DIP2C: variants seen among roughly 807,000 people sequenced by gnomAD.
DIP2C encodes the protein disco-interacting protein 2 homolog C.
Under a neutral mutation model 192.4 loss-of-function variants are expected in DIP2C, and 33 were observed. That is an observed-to-expected ratio of 0.17 (90% CI 0.13 to 0.23). DIP2C has a LOEUF of 0.23. DIP2C is among the 10% of genes least tolerant of loss of function. DIP2C has a pLI of 1.00. For synonymous variants in DIP2C, 979 were observed against 864.1 expected (o/e 1.13, Z -2.33); for missense variants, 1,537 against 2,110.1 (o/e 0.73, Z 5.32).
In DIP2C at chr10:277,580, A is replaced by G. The variant is rs745973602; in HGVS notation, c.4419-3T>C. 19 of 1,612,680 alleles carry G rather than the reference A, an allele frequency of 1.2e-5. No individual in the cohort carries two copies. The highest frequency in any genetic ancestry group is 1.4e-5 in the Non-Finnish European group (17 of 1,179,280). On this transcript the variant is annotated splice_polypyrimidine_tract_variant and splice_region_variant and intron_variant, in intron 36 of 36. Coordinates refer to ENST00000280886, the MANE Select transcript of DIP2C (RefSeq NM_014974.3). The stretch of plus-strand genomic sequence containing the variant: ...AATTTGTCCAGGTAAACACAGCACT[A>G]AAAGACAGAAAAGAAAGCCATCATT...
intron 32 of DIP2C, among the ~76,000 whole-genome samples, chr10:295,129 C>T (rs3125032): frequency 0.99 from 150,407 of 152,184 alleles, 74,350 homozygotes; most frequent in Middle Eastern, 1. Context: ...GAAAGCAAGT[C>T]TATTAGGAAA....
intron 31 of DIP2C, among the ~76,000 whole-genome samples, chr10:317,856 C>T (rs1039494302): frequency 6.6e-6 from 1 of 152,210 alleles, no homozygotes; most frequent in African/African-American, 2.4e-5. Context: ...TGGTAGAATT[C>T]GAATGTTCCT....
intron 29 of DIP2C, among the ~76,000 whole-genome samples, chr10:335,083 T>C (rs1957697000): frequency 6.6e-6 from 1 of 152,220 alleles, no homozygotes; most frequent in Non-Finnish European, 1.5e-5. Flanking sequence ...ACAGGCTATC[T>C]GACACAATTT....
At chr10:446,428 T>A (rs1190558328) in intron 3 of DIP2C, among the ~76,000 whole-genome samples, 2 of 151,936 alleles carry the variant, frequency 1.3e-5, no homozygotes, top group African/African-American at 4.9e-5. Flanking sequence ...TGTATACATC[T>A]GTTGTGAAGA....
At chr10:531,958 AG>A (rs1431856267) in intron 1 of DIP2C, among the ~76,000 whole-genome samples, 2 of 152,244 alleles carry the variant, frequency 1.3e-5, no homozygotes, top group African/African-American at 4.8e-5. Flanking sequence ...TTTGTTTTAT[AG>A]ATAAACAGAG....
chr10:522,932 G>C (rs1433294713), intron 1 of DIP2C, among the ~76,000 whole-genome samples: 1 of 150,956 alleles, frequency 6.6e-6, no homozygotes, highest in Non-Finnish European at 1.5e-5. Flanking sequence ...CCTGGAGTGA[G>C]GGAACTGTGT....
At chr10:535,601 A>T (rs549401639) in intron 1 of DIP2C, among the ~76,000 whole-genome samples, 1 of 152,262 alleles carries the variant, frequency 6.6e-6, no homozygotes, top group African/African-American at 2.4e-5. Context: ...CACGAGATTC[A>T]GTGTGATCCC....
intron 1 of DIP2C, among the ~76,000 whole-genome samples, chr10:528,123 C>T (rs1847162301): frequency 6.6e-6 from 1 of 152,172 alleles, no homozygotes; most frequent in Admixed American, 6.5e-5. Context: ...GGAACATCCC[C>T]CCTGAAGGGT....
chr10:615,627 CCGCCCCACACACACACACA>C (rs1410817137), intron 1 of DIP2C, among the ~76,000 whole-genome samples: 2 of 151,646 alleles, frequency 1.3e-5, no homozygotes, highest in Non-Finnish European at 2.9e-5. Flanking sequence ...ACACACACAC[CCGCCCCACACACACACACA>C]GGGTTTGCTT....
intron 1 of DIP2C, among the ~76,000 whole-genome samples, chr10:523,082 T>C (rs111440637): frequency 2.6e-5 from 4 of 151,580 alleles, no homozygotes; most frequent in Admixed American, 2.6e-4. Flanking sequence ...CATTTCCACC[T>C]GATGCAAAGG....
At chr10:397,888 A>C (rs1362984179) in intron 10 of DIP2C, among the ~76,000 whole-genome samples, 2 of 152,194 alleles carry the variant, frequency 1.3e-5, no homozygotes, top group Non-Finnish European at 2.9e-5. Flanking sequence ...CCATGATGGG[A>C]AGGAGGGGTC....
At chr10:424,364 T>G (rs1461934354) in intron 4 of DIP2C, among the ~76,000 whole-genome samples, 8 of 50,842 alleles carry the variant, frequency 1.6e-4, no homozygotes, top group African/African-American at 5.8e-4. Flanking sequence ...GGTTTTTTTT[T>G]TTTTTTTTTT....
chr10:494,826 T>C (rs1215747957), intron 1 of DIP2C, among the ~76,000 whole-genome samples: 1 of 152,210 alleles, frequency 6.6e-6, no homozygotes, highest in Non-Finnish European at 1.5e-5. Flanking sequence ...GAAAATAGCA[T>C]GGAGCATCTT....
intron 10 of DIP2C, among the ~76,000 whole-genome samples, chr10:393,778 C>CAAA (rs34390976): frequency 0.015 from 980 of 66,560 alleles, 43 homozygotes; most frequent in African/African-American, 0.053. Context: ...GACTCCGTCT[C>CAAA]AAAAAAAAAA....
intron 23 of DIP2C, among the ~76,000 whole-genome samples, chr10:356,946 C>A (rs141563782): frequency 3.9e-5 from 6 of 152,250 alleles, no homozygotes; most frequent in Non-Finnish European, 8.8e-5. Context: ...TTTTAAAAAG[C>A]GGGATCTAAT....
At chr10:362,763 A>G in intron 21 of DIP2C, 72 bp from the exon 22 acceptor site, 2 of 1,474,694 alleles carry the variant, frequency 1.4e-6, no homozygotes, top group East Asian at 4.6e-5. Context: ...ATTATGCAAA[A>G]TATGATCCAC....
At chr10:295,356 T>C (rs7475652) in intron 32 of DIP2C, among the ~76,000 whole-genome samples, 49,815 of 151,252 alleles carry the variant, frequency 0.33, 10,399 homozygotes, top group Non-Finnish European at 0.47. Flanking sequence ...GGTCAGGAGA[T>C]TGACACCATC....
intron 1 of DIP2C, among the ~76,000 whole-genome samples, chr10:617,655 A>ACCCCCCCCCCC (rs3049602): frequency 2.1e-4 from 28 of 132,324 alleles, no homozygotes; most frequent in African/African-American, 5.0e-4. Context: ...TGTGGATACC[A>ACCCCCCCCCCC]CCCCCCCACC....
chr10:295,214 T>A (rs1263840705), intron 32 of DIP2C, among the ~76,000 whole-genome samples: 1 of 152,108 alleles, frequency 6.6e-6, no homozygotes, highest in African/African-American at 2.4e-5. Flanking sequence ...TACTTATTGT[T>A]ACTAGGGAGG....
Sources: gnomAD v4.1 joint callset for allele counts (sites outside exome capture counted in the v4.1 genomes callset) on GRCh38, gnomAD v4.1.1 for gene constraint, MANE v1.5 for transcripts, NCBI Gene and HGNC (gene_info 2026-07-23, HGNC 2026-07-21) for gene names.